POLN: variants seen among roughly 807,000 people sequenced by gnomAD.
The protein encoded by POLN is DNA polymerase nu, also known as DNA polymerase N.
Under a neutral mutation model 113.5 loss-of-function variants are expected in POLN, and 108 were observed. The ratio of observed to expected loss-of-function variants is 0.95; its 90% CI spans 0.81 to 1.12. POLN has a LOEUF of 1.12. POLN is among the 50% of genes most tolerant of loss of function. The pLI is 0.00. For missense variants in POLN, 1,097 were observed against 1,077.1 expected (o/e 1.02, Z -0.26); for synonymous variants, 386 against 391.5 (o/e 0.99, Z 0.17).
chr4:2,118,563 C>A (rs1228535980), intron 19 of POLN, among the ~76,000 whole-genome samples: 16 of 152,210 alleles, frequency 1.1e-4, no homozygotes, highest in Non-Finnish European at 1.5e-5. Context: ...ATTTGCCTTA[C>A]AAGTTATCAC....
At chr4:2,181,443 G>GA (rs2108751665) in intron 7 of POLN, among the ~76,000 whole-genome samples, 1 of 145,964 alleles carries the variant, frequency 6.9e-6, no homozygotes, top group South Asian at 2.1e-4. Context: ...ACTGTGCCCA[G>GA]CCAAAAAAGA....
Position 2,081,661 on chromosome 4 carries a change from C to T in POLN, c.2280G>A (p.Glu760=). The T allele has an allele frequency of 6.2e-7, 1 of 1,614,228 alleles. No homozygotes were observed. The highest frequency in any genetic ancestry group is 8.5e-7 in the Non-Finnish European group (1 of 1,180,044). The change falls in exon 22 of 26, where the codon GAG becomes GAA. Residue 760 remains glutamate, a synonymous_variant. Coordinates refer to ENST00000511885, the MANE Select transcript of POLN (RefSeq NM_181808.4). ...AHDQQLRAQA[E]RQAVNFVVQG... ...GCACCACGAAGTTCACTGCCTGTCG[C>T]TCTGCTTGTGCCCGGAGTTGCTGGT...
intron 3 of POLN, among the ~76,000 whole-genome samples, chr4:2,220,781 G>A (rs1168057737): frequency 6.6e-6 from 1 of 152,122 alleles, no homozygotes; most frequent in Non-Finnish European, 1.5e-5. Flanking sequence ...TTTTCGACAG[G>A]GTTATTTTGT....
intron 2 of POLN, chr4:2,238,462 T>C (rs997895029): frequency 4.0e-6 from 2 of 504,312 alleles, no homozygotes; most frequent in African/African-American, 4.0e-5. Flanking sequence ...AAAAGGCATA[T>C]GAAAATGGAA....
intron 19 of POLN, among the ~76,000 whole-genome samples, chr4:2,122,319 A>G (rs1731462193): frequency 6.6e-6 from 1 of 152,186 alleles, no homozygotes; most frequent in South Asian, 2.1e-4. Flanking sequence ...AAAATTCTAT[A>G]TTGTCTTATA....
rs1734987144 is a variant in POLN at position 2,241,520 on chromosome 4, C to T, written c.-13G>A. The T allele has an allele frequency of 4.1e-6, 4 of 985,964 alleles. No individual in the cohort carries two copies. The highest frequency in any genetic ancestry group is 4.8e-6 in the Non-Finnish European group (4 of 830,316). 61.1% of individuals were successfully genotyped at this position (985,964 alleles called of 1,614,324 possible). A position where few individuals can be genotyped will look rare whatever the true frequency, so the allele number is the denominator to read the frequency against. ...TTCTGAAGATCAACTAAATATTTAC[C>T]TCAACGTCTCGCCGGGCAAGGCTCC... On this transcript the variant is annotated splice_region_variant and 5_prime_UTR_variant, in exon 2 of 26. Coordinates refer to ENST00000511885, the MANE Select transcript of POLN (RefSeq NM_181808.4).
At chr4:2,197,787 C>T (rs949002303) in intron 6 of POLN, among the ~76,000 whole-genome samples, 28 of 152,338 alleles carry the variant, frequency 1.8e-4, no homozygotes, top group Non-Finnish European at 3.4e-4. Flanking sequence ...GAAGCATGGA[C>T]AGGCTAGTAA....
Position 2,159,195 on chromosome 4 carries a change from T to C in POLN, c.1571A>G (p.Asp524Gly), listed in dbSNP as rs771871185. 2.5e-6 allele frequency: 4 copies of C among 1,608,114 alleles called. No individual in the cohort carries two copies. The Admixed American group carries it at 6.7e-5, about 27-fold the overall frequency. The change falls in exon 14 of 26, where the codon GAC becomes GGC. Residue 524 changes from aspartate (D) to glycine (G), a missense_variant. By Grantham distance (94) the Asp-to-Gly change is moderately conservative. Transcript: ENST00000511885. ...TSEAVLNALR[D>G]LHPLPKIILE... is the part of the protein sequence containing the mutation. ...AATTATCTTGGGTAATGGATGAAGG[T>C]CTCGCAGAGCATTTAACTAAACATG...
chr4:2,113,376 T>TA (rs1200437813), intron 19 of POLN, among the ~76,000 whole-genome samples: 5 of 151,988 alleles, frequency 3.3e-5, no homozygotes, highest in East Asian at 1.9e-4. Flanking sequence ...CCCTAAAACT[T>TA]AAAGTATAAT....
At chr4:2,140,795 C>G (rs1183999564) in intron 16 of POLN, 1 of 152,046 alleles carries the variant, frequency 6.6e-6, no homozygotes. Flanking sequence ...CTATTTGGGG[C>G]CACACAATAC....
intron 20 of POLN, among the ~76,000 whole-genome samples, chr4:2,091,505 G>A (rs1438832730): frequency 1.3e-5 from 2 of 152,066 alleles, no homozygotes; most frequent in Admixed American, 1.3e-4. Flanking sequence ...ACACTCAAAG[G>A]CCACTGTCCC....
chr4:2,210,149 G>A (rs112444337), intron 4 of POLN, among the ~76,000 whole-genome samples: 48 of 151,852 alleles, frequency 3.2e-4, no homozygotes, highest in African/African-American at 1.1e-3. Context: ...GAAATATATG[G>A]TTTCCAAGAG....
rs1436183089 is a variant in POLN at position 2,238,628 on chromosome 4, T to C, written c.-13+2892A>G. 3.7e-6 allele frequency: 6 copies of C among 1,604,276 alleles called. No individual in the cohort carries two copies. The African/African-American group carries it at 6.7e-5, about 18-fold the overall frequency. ...CCTATGAGTAGAATAATCCTTAGTATCAATGGTATTCCTTGGATTTATCTG... is the reference window on the plus strand; with the variant it reads ...CCTATGAGTAGAATAATCCTTAGTACCAATGGTATTCCTTGGATTTATCTG... On this transcript the variant is annotated intron_variant, in intron 2 of 25. Transcript: ENST00000511885.
intron 4 of POLN, among the ~76,000 whole-genome samples, chr4:2,212,504 AG>A: frequency 6.6e-6 from 1 of 152,136 alleles, no homozygotes; most frequent in Non-Finnish European, 1.5e-5. Context: ...CCTCCTGAGT[AG>A]CTGGGACTAC....
intron 19 of POLN, 102 bp downstream of exon 19, chr4:2,128,011 T>C: frequency 1.3e-6 from 1 of 744,890 alleles, no homozygotes; most frequent in East Asian, 2.8e-5. Context: ...ACAAAAAATA[T>C]AATTTCTGCC....
intron 3 of POLN, among the ~76,000 whole-genome samples, chr4:2,223,777 T>G (rs755916437): frequency 3.3e-5 from 5 of 152,134 alleles, no homozygotes; most frequent in Non-Finnish European, 7.4e-5. Flanking sequence ...AAATACAGTA[T>G]AAAAGATTAA....
chr4:2,103,559 T>C (rs1210642782), intron 19 of POLN, among the ~76,000 whole-genome samples: 2 of 152,168 alleles, frequency 1.3e-5, no homozygotes, highest in African/African-American at 2.4e-5. Flanking sequence ...ATATGAAAAA[T>C]TCCTGTCTAG....
At position 2,109,446 on chromosome 4, in the gene POLN, T is replaced by A. The variant is rs73799516; in HGVS notation, c.1983-13513A>T. 1.9e-3 allele frequency among the ~76,000 whole-genome samples: 285 copies of A among 152,270 alleles called. 1 individual carries two copies. The highest frequency in any genetic ancestry group is 6.5e-3 in the African/African-American group (270 of 41,544). On this transcript the variant is annotated intron_variant, in intron 19 of 25. Coordinates refer to ENST00000511885, the MANE Select transcript of POLN (RefSeq NM_181808.4). ...TATTAAACTTTATTTAAATAGAAAT[T>A]CCCCTTCTGAGAAAAGCAATGAGAC...
chr4:2,092,858 C>T (rs1730700224), intron 20 of POLN, among the ~76,000 whole-genome samples: 1 of 152,204 alleles, frequency 6.6e-6, no homozygotes, highest in Admixed American at 6.5e-5. Flanking sequence ...TTCCTCAGTC[C>T]CAGCTCATGT....
Sources: allele counts gnomAD v4.1 joint callset (sites outside exome capture counted in the v4.1 genomes callset), GRCh38; gene constraint gnomAD v4.1.1; transcripts MANE v1.5; gene names NCBI Gene and HGNC (gene_info 2026-07-23, HGNC 2026-07-21).